The following CNTN3 variants were observed in gnomAD, a reference collection of about 807,000 sequenced individuals.
The protein encoded by CNTN3 is contactin 3.
In CNTN3, 60 loss-of-function variants were observed where a neutral mutation model predicts 119.1. The ratio of observed to expected loss-of-function variants is 0.50; its 90% CI spans 0.41 to 0.62. CNTN3 has a LOEUF of 0.62. Among genes scored for constraint, CNTN3 ranks in the 20% least tolerant of loss-of-function variants. CNTN3 has a pLI of 0.00. For missense variants in CNTN3, 1,101 were observed against 1,242.4 expected, an observed-to-expected ratio of 0.89 and a Z score of 1.71; for synonymous variants, 450 against 438.7, an observed-to-expected ratio of 1.03 and a Z score of -0.32.
intron 3 of CNTN3, among the ~76,000 whole-genome samples, chr3:74,489,252 C>T (rs1315000458): frequency 6.6e-6 from 1 of 152,066 alleles, no homozygotes; most frequent in Non-Finnish European, 1.5e-5. Flanking sequence ...GACTAATATG[C>T]ATATTCAAGT....
intron 1 of CNTN3, among the ~76,000 whole-genome samples, chr3:74,551,204 C>T (rs1381473701): frequency 6.6e-6 from 1 of 152,192 alleles, no homozygotes; most frequent in Non-Finnish European, 1.5e-5. Context: ...GCCTACTTTA[C>T]AGCAAAAGAG....
chr3:74,390,975 G>A (rs1484455269), intron 5 of CNTN3, among the ~76,000 whole-genome samples: 2 of 152,144 alleles, frequency 1.3e-5, no homozygotes, highest in African/African-American at 4.8e-5. Flanking sequence ...ATGATAATAT[G>A]AACTCATTTT....
At chr3:74,377,555 AC>A (rs1704509246) in intron 5 of CNTN3, among the ~76,000 whole-genome samples, 1 of 152,336 alleles carries the variant, frequency 6.6e-6, no homozygotes, top group Non-Finnish European at 1.5e-5. Context: ...AATTTGATAT[AC>A]TCAAACAAGC....
At chr3:74,285,185 A>G (rs2106781468) in intron 20 of CNTN3, 120 bp downstream of exon 20, 1 of 1,065,272 alleles carries the variant, frequency 9.4e-7, no homozygotes, top group East Asian at 2.7e-5. Context: ...TTTTGGAGTT[A>G]GGTTTATATA....
intron 5 of CNTN3, among the ~76,000 whole-genome samples, chr3:74,403,623 T>C (rs559449902): frequency 6.6e-6 from 1 of 152,246 alleles, no homozygotes; most frequent in African/African-American, 2.4e-5. Flanking sequence ...CACAAAGCAA[T>C]TTGTGTTCAG....
At position 74,299,946 on chromosome 3, in the gene CNTN3, G is replaced by A. The variant is rs1186106160; in HGVS notation, c.2096-8C>T. ...AAGGAGGCACTTCTGGAACTATACA[G>A]GTCAGAGAAACAGAGATGAAATGGT... On this transcript the variant is annotated splice_polypyrimidine_tract_variant and splice_region_variant and intron_variant, in intron 16 of 22. Transcript: ENST00000263665. 1 of 1,565,580 alleles carries A rather than the reference G, an allele frequency of 6.4e-7. No homozygotes were observed. The highest frequency in any genetic ancestry group is 8.7e-7 in the Non-Finnish European group (1 of 1,154,546).
chr3:74,395,111 G>A (rs957095814), intron 5 of CNTN3, among the ~76,000 whole-genome samples: 2 of 151,942 alleles, frequency 1.3e-5, no homozygotes, highest in Non-Finnish European at 2.9e-5. Context: ...AGTATTTATT[G>A]CTTCCCTACA....
rs547687529 is a variant in CNTN3, at chr3:74,368,009, T to C, written c.946+1180A>G. The stretch of plus-strand genomic sequence containing the variant: ...CTTGCTCCCTCACCCCCTATTTCCA[T>C]AGAATCCTAGGAACCCAAAGACCTT... On this transcript the variant is annotated intron_variant, in intron 8 of 22. Transcript: ENST00000263665. 1.3e-3 allele frequency among the ~76,000 whole-genome samples: 193 copies of C among 152,142 alleles called. 2 individuals are homozygous for C. Among genetic ancestry groups the C allele is most frequent in the Non-Finnish European group, 2.1e-3 (140 of 67,962 alleles).
intron 13 of CNTN3, among the ~76,000 whole-genome samples, chr3:74,334,177 A>G (rs6784021): frequency 0.027 from 4,082 of 152,308 alleles, 203 homozygotes; most frequent in African/African-American, 0.092. Context: ...GTGTTGTGGA[A>G]ACACACCGAT....
At chr3:74,551,854 T>C (rs1430957466) in intron 1 of CNTN3, among the ~76,000 whole-genome samples, 1 of 148,800 alleles carries the variant, frequency 6.7e-6, no homozygotes. Flanking sequence ...GCCTCTGCCT[T>C]GTGGGTTCCA....
At chr3:74,425,314 T>A (rs1360251234) in intron 4 of CNTN3, among the ~76,000 whole-genome samples, 1 of 152,198 alleles carries the variant, frequency 6.6e-6, no homozygotes, top group Admixed American at 6.5e-5. Context: ...ATTTATCTTC[T>A]GCTTATAAGT....
At chr3:74,587,458 A>G (rs1048644999) in intron 1 of CNTN3, among the ~76,000 whole-genome samples, 32 of 152,198 alleles carry the variant, frequency 2.1e-4, no homozygotes, top group African/African-American at 7.7e-4. Context: ...GCACACATCA[A>G]AATTGTGATT....
chr3:74,595,118 T>C (rs1379659439), intron 1 of CNTN3, among the ~76,000 whole-genome samples: 4 of 151,960 alleles, frequency 2.6e-5, no homozygotes. Flanking sequence ...TCTGTTCATA[T>C]ACTTTGCCCA....
At chr3:74,321,011 A>G (rs143367979) in intron 13 of CNTN3, among the ~76,000 whole-genome samples, 2 of 152,284 alleles carry the variant, frequency 1.3e-5, no homozygotes, top group African/African-American at 2.4e-5. Flanking sequence ...GGAAACCACC[A>G]TCTTAAGTGA....
intron 5 of CNTN3, among the ~76,000 whole-genome samples, chr3:74,388,058 G>T (rs987251684): frequency 1.3e-5 from 2 of 152,140 alleles, no homozygotes; most frequent in East Asian, 3.9e-4. Context: ...CCCGGCTGAT[G>T]GCTGAGGCAG....
chr3:74,291,380 T>C (rs916000075), intron 19 of CNTN3, among the ~76,000 whole-genome samples: 12 of 152,228 alleles, frequency 7.9e-5, no homozygotes, highest in Non-Finnish European at 7.3e-5. Context: ...TGTGTCTTTA[T>C]AGCAGCATAA....
At chr3:74,403,504 C>A (rs988638470) in intron 5 of CNTN3, among the ~76,000 whole-genome samples, 9 of 152,140 alleles carry the variant, frequency 5.9e-5, no homozygotes, top group African/African-American at 2.2e-4. Context: ...TTCAGAAGCT[C>A]TCTCTAATTC....
At chr3:74,594,867 G>A (rs1488521512) in intron 1 of CNTN3, among the ~76,000 whole-genome samples, 7 of 151,776 alleles carry the variant, frequency 4.6e-5, no homozygotes, top group South Asian at 2.1e-4. Flanking sequence ...CTGAGGAATC[G>A]CCACACTGAC....
At chr3:74,321,883 A>G (rs1222277324) in intron 13 of CNTN3, among the ~76,000 whole-genome samples, 1 of 152,210 alleles carries the variant, frequency 6.6e-6, no homozygotes, top group Non-Finnish European at 1.5e-5. Context: ...TAATAGATAC[A>G]TTGAATCAAT....
Sources: allele counts gnomAD v4.1 joint callset (sites outside exome capture counted in the v4.1 genomes callset), GRCh38; gene constraint gnomAD v4.1.1; transcripts MANE v1.5; gene names NCBI Gene and HGNC (gene_info 2026-07-23, HGNC 2026-07-21).